Variants in MACROD2 observed in about 807,000 individuals in gnomAD.
MACROD2 encodes the protein mono-ADP ribosylhydrolase 2.
MACROD2 carries 36 observed loss-of-function variants against 70.4 expected under a neutral mutation model. The ratio of observed to expected loss-of-function variants is 0.51; its 90% CI spans 0.39 to 0.68. The LOEUF (loss-of-function observed/expected upper bound fraction) is 0.68. Among genes scored for constraint, MACROD2 ranks in the 30% least tolerant of loss-of-function variants. The pLI, the probability that MACROD2 is intolerant of heterozygous loss-of-function variation, is 0.00. For synonymous variants in MACROD2, 172 were observed against 178.8 expected (o/e 0.96, Z 0.30); for missense variants, 496 against 538.4 (o/e 0.92, Z 0.78).
At chr20:14,508,964 G>T (rs914921303) in intron 4 of MACROD2, among the ~76,000 whole-genome samples, 6 of 151,908 alleles carry the variant, frequency 3.9e-5, no homozygotes, top group Admixed American at 2.0e-4. Context: ...CAATAGTAGG[G>T]GATTTGTTAA....
At chr20:14,291,212 T>G (rs1255372306) in intron 3 of MACROD2, among the ~76,000 whole-genome samples, 11 of 152,236 alleles carry the variant, frequency 7.2e-5, no homozygotes, top group Non-Finnish European at 1.3e-4. Flanking sequence ...GGATAGAAAT[T>G]AGAACAGGAC....
intron 8 of MACROD2, among the ~76,000 whole-genome samples, chr20:15,834,026 AG>A (rs2064085788): frequency 6.6e-6 from 1 of 152,214 alleles, no homozygotes; most frequent in South Asian, 2.1e-4. Context: ...TTAAAATGAT[AG>A]GATTGGAATT....
intron 4 of MACROD2, among the ~76,000 whole-genome samples, chr20:14,567,270 T>C (rs1006728776): frequency 6.6e-6 from 1 of 152,106 alleles, no homozygotes; most frequent in African/African-American, 2.4e-5. Flanking sequence ...AGATGAATGA[T>C]CTACCAATAG....
At chr20:15,128,401 A>T (rs1376524960) in intron 5 of MACROD2, among the ~76,000 whole-genome samples, 1 of 152,084 alleles carries the variant, frequency 6.6e-6, no homozygotes, top group Non-Finnish European at 1.5e-5. Context: ...TAAAACTTGT[A>T]ATATTTTCAT....
chr20:14,948,784 G>C (rs1371585867), intron 5 of MACROD2, among the ~76,000 whole-genome samples: 1 of 152,186 alleles, frequency 6.6e-6, no homozygotes, highest in Non-Finnish European at 1.5e-5. Context: ...GCTATGTCAA[G>C]TGCCTAGCCT....
At chr20:15,452,454 G>T (rs1474813805) in intron 7 of MACROD2, among the ~76,000 whole-genome samples, 2 of 152,134 alleles carry the variant, frequency 1.3e-5, no homozygotes, top group Non-Finnish European at 1.5e-5. Context: ...ATCATATTTT[G>T]AAACGCTTGG....
At position 14,676,712 on chromosome 20, in the gene MACROD2, A is replaced by G. The variant is rs867023091; in HGVS notation, c.302-8131A>G. Among the ~76,000 whole-genome samples the G allele has an allele frequency of 5.9e-5, 9 of 152,320 alleles. No individual in the cohort carries two copies. The South Asian group carries it at 1.9e-3, about 32-fold the overall frequency. The stretch of plus-strand genomic sequence containing the variant: ...GCTAGCAGAAGACAAGAATTAACTA[A>G]CATCAGAGCAGAACTGAAGGAGATA... On this transcript the variant is annotated intron_variant, in intron 4 of 17. Transcript: ENST00000684519.
intron 3 of MACROD2, among the ~76,000 whole-genome samples, chr20:14,256,560 A>C (rs905965165): frequency 1.3e-5 from 2 of 152,162 alleles, no homozygotes. Context: ...TGGGAATGGC[A>C]GTATTCCATG....
At chr20:14,129,287 A>G (rs1460349074) in intron 3 of MACROD2, among the ~76,000 whole-genome samples, 1 of 152,216 alleles carries the variant, frequency 6.6e-6, no homozygotes, top group Non-Finnish European at 1.5e-5. Flanking sequence ...GGTCCATCCA[A>G]GTTCAAGGCT....
rs1213612331 is a variant in MACROD2, at chr20:15,904,489, G to GT, written c.775+18685dup. Among the ~76,000 whole-genome samples, 19 of 152,174 alleles carry GT rather than the reference G, an allele frequency of 1.2e-4. No homozygotes were observed. In the East Asian group the frequency reaches 1.7e-3, roughly 14 times the overall value. On this transcript the variant is annotated intron_variant, in intron 10 of 17. Transcript: ENST00000684519. ...CACTATGTTTCTCCCCATAAAAGGT[G>GT]TTTTTTTATTGTTTTTGTCTTGTTG...
intron 5 of MACROD2, among the ~76,000 whole-genome samples, chr20:14,984,649 G>C (rs559671622): frequency 1.3e-5 from 2 of 152,182 alleles, no homozygotes; most frequent in Non-Finnish European, 2.9e-5. Flanking sequence ...AGGTCTGATG[G>C]ATTTGAAGGA....
rs140712488 is a variant in MACROD2, at chr20:15,933,289, A to G, written c.789A>G (p.Pro263=). 112 of 1,613,278 alleles carry G rather than the reference A, an allele frequency of 6.9e-5. No homozygotes were observed. Among genetic ancestry groups the G allele is most frequent in the Non-Finnish European group, 8.9e-5 (105 of 1,179,544 alleles). ...EMKEDSDENG[P]EEKQSVEEME... Reference sequence around the variant, plus strand: ...TTTTCTTGAAAGATGAGAACGGTCCAGAGGAGAAGCAAAGTGTGGAAGAAA... The same window carrying G: ...TTTTCTTGAAAGATGAGAACGGTCCGGAGGAGAAGCAAAGTGTGGAAGAAA... The change falls in exon 11 of 18, where the codon CCA becomes CCG. Residue 263 remains proline, a synonymous_variant. Coordinates refer to ENST00000684519, the MANE Select transcript of MACROD2 (RefSeq NM_001351661.2).
chr20:14,384,519 G>T (rs541828026), intron 3 of MACROD2, among the ~76,000 whole-genome samples: 1 of 151,500 alleles, frequency 6.6e-6, no homozygotes, highest in African/African-American at 2.4e-5. Context: ...TGGAGAGAAG[G>T]CTATTGCCAA....
intron 4 of MACROD2, among the ~76,000 whole-genome samples, chr20:14,588,266 G>A (rs575024263): frequency 6.3e-4 from 96 of 151,922 alleles, no homozygotes; most frequent in African/African-American, 2.1e-3. Context: ...CTAGAAAATC[G>A]TTCATTTAAT....
At chr20:14,644,820 T>C (rs2123498418) in intron 4 of MACROD2, among the ~76,000 whole-genome samples, 1 of 152,232 alleles carries the variant, frequency 6.6e-6, no homozygotes. Context: ...CCAGATGCCA[T>C]TTTTGTGTTC....
intron 5 of MACROD2, among the ~76,000 whole-genome samples, chr20:14,783,009 G>A (rs1332204567): frequency 6.6e-6 from 1 of 152,110 alleles, no homozygotes; most frequent in African/African-American, 2.4e-5. Context: ...GGAGATTGCT[G>A]AGAGTTGGGG....
intron 8 of MACROD2, among the ~76,000 whole-genome samples, chr20:15,517,806 C>T (rs568671237): frequency 9.9e-5 from 15 of 152,142 alleles, no homozygotes; most frequent in Non-Finnish European, 2.1e-4. Flanking sequence ...AAAACAGGCT[C>T]ATAGGACTCT....
intron 3 of MACROD2, among the ~76,000 whole-genome samples, chr20:14,275,137 C>G (rs6042641): frequency 0.64 from 96,669 of 151,460 alleles, 32,337 homozygotes; most frequent in Non-Finnish European, 0.75. Flanking sequence ...CTACTTTAAA[C>G]TTCATATGGA....
At chr20:15,119,091 C>T (rs1012606502) in intron 5 of MACROD2, among the ~76,000 whole-genome samples, 1 of 152,298 alleles carries the variant, frequency 6.6e-6, no homozygotes, top group Middle Eastern at 3.4e-3. Flanking sequence ...AGTAATTAAT[C>T]TCTTCTGTTG....
Sources: allele counts gnomAD v4.1 joint callset (sites outside exome capture counted in the v4.1 genomes callset), GRCh38; gene constraint gnomAD v4.1.1; transcripts MANE v1.5; gene names NCBI Gene and HGNC (gene_info 2026-07-23, HGNC 2026-07-21).